Variants in NRG3 observed in about 807,000 individuals in gnomAD.
NRG3 encodes the protein neuregulin 3.
Under a neutral mutation model 66.9 loss-of-function variants are expected in NRG3, and 31 were observed. That is an observed-to-expected ratio of 0.46 (90% CI 0.35 to 0.63). NRG3 has a LOEUF of 0.63. Ranked by LOEUF, NRG3 falls within the 20% of genes least tolerant of loss-of-function variation. The probability of loss-of-function intolerance (pLI) is 0.00; values close to 1 mark genes in which losing one functional copy is unlikely to be tolerated. For missense variants in NRG3, 910 were observed against 878.9 expected (o/e 1.04, Z -0.45); for synonymous variants, 393 against 359.4 (o/e 1.09, Z -1.06).
chr10:82,869,852 C>T (rs1311464126), intron 4 of NRG3, among the ~76,000 whole-genome samples: 1 of 151,896 alleles, frequency 6.6e-6, no homozygotes, highest in Non-Finnish European at 1.5e-5. Flanking sequence ...TTGTGATCTG[C>T]CCGCCTCGGC....
chr10:82,468,227 G>A (rs7071226), intron 2 of NRG3, among the ~76,000 whole-genome samples: 66,569 of 152,114 alleles, frequency 0.44, 17,617 homozygotes, highest in African/African-American at 0.74. Context: ...ACCACATCAC[G>A]CTGGATTCCC....
chr10:82,804,793 C>T (rs1023672729), intron 3 of NRG3, among the ~76,000 whole-genome samples: 1 of 152,128 alleles, frequency 6.6e-6, no homozygotes, highest in Non-Finnish European at 1.5e-5. Context: ...TCAAAATTGA[C>T]GCTATTTTCA....
chr10:82,694,202 G>C lies in NRG3; in HGVS notation c.954-44375G>C, dbSNP rs183763889. Among the ~76,000 whole-genome samples the C allele has an allele frequency of 1.9e-3, 293 of 151,900 alleles. 1 individual carries two copies. Among genetic ancestry groups the C allele is most frequent in the African/African-American group, 6.6e-3 (274 of 41,382 alleles). On this transcript the variant is annotated intron_variant, in intron 2 of 8. Coordinates refer to ENST00000372141, the MANE Select transcript of NRG3 (RefSeq NM_001010848.4). The stretch of plus-strand genomic sequence containing the variant: ...TACAGAGTGCTGATTGGTGCATTTA[G>C]AATCCTTTAGCTAGACACAGAGCGC...
intron 4 of NRG3, among the ~76,000 whole-genome samples, chr10:82,879,755 T>C (rs1441986385): frequency 6.6e-6 from 1 of 152,022 alleles, no homozygotes; most frequent in Non-Finnish European, 1.5e-5. Flanking sequence ...GGATTACAGG[T>C]ATAAGCCACC....
intron 1 of NRG3, among the ~76,000 whole-genome samples, chr10:82,288,280 A>G (rs1005063387): frequency 3.3e-5 from 5 of 152,062 alleles, no homozygotes; most frequent in Non-Finnish European, 5.9e-5. Context: ...AATATTCACA[A>G]CTCTCCTGAG....
chr10:82,578,332 C>A (rs971312671), intron 2 of NRG3, among the ~76,000 whole-genome samples: 2 of 117,300 alleles, frequency 1.7e-5, no homozygotes, highest in African/African-American at 6.4e-5. Flanking sequence ...GATATTTTAG[C>A]CTAGATGTCA....
At chr10:82,494,422 TGATATGTAAATTC>T (rs1417365345) in intron 2 of NRG3, among the ~76,000 whole-genome samples, 3 of 152,140 alleles carry the variant, frequency 2.0e-5, no homozygotes, top group African/African-American at 7.2e-5. Flanking sequence ...GGACGTGTGA[TGATATGTAAATTC>T]CTTCCACTAT....
chr10:82,338,338 A>G (rs1047018701), intron 1 of NRG3, among the ~76,000 whole-genome samples: 3 of 152,162 alleles, frequency 2.0e-5, no homozygotes, highest in African/African-American at 4.8e-5. Flanking sequence ...TTAAAATGCT[A>G]TAACCACATC....
intron 1 of NRG3, among the ~76,000 whole-genome samples, chr10:82,271,610 T>G (rs1399135863): frequency 1.3e-5 from 2 of 149,008 alleles, no homozygotes; most frequent in Admixed American, 6.6e-5. Flanking sequence ...AACTACTAAC[T>G]AATTAACTCT....
rs192886741 is a variant in NRG3, at chr10:82,277,026, C to T, written c.824-81713C>T. On this transcript the variant is annotated intron_variant, in intron 1 of 8. Coordinates refer to ENST00000372141, the MANE Select transcript of NRG3 (RefSeq NM_001010848.4). ...TATTTTTCTCCCTCATTATTGAAGA[C>T]GATGTTACCATACAACTGAGATGGT... is the stretch of plus-strand genomic sequence containing the variant. Among the ~76,000 whole-genome samples the T allele has an allele frequency of 1.3e-4, 20 of 152,036 alleles. No individual in the cohort carries two copies. In the East Asian group the frequency reaches 2.3e-3, roughly 18 times the overall value.
intron 4 of NRG3, among the ~76,000 whole-genome samples, chr10:82,881,406 C>T (rs1007780512): frequency 4.6e-5 from 7 of 152,166 alleles, no homozygotes; most frequent in African/African-American, 1.7e-4. Context: ...GTTCACTACC[C>T]ATTCATTTTC....
chr10:81,937,223 T>C (rs1040279997), intron 1 of NRG3, among the ~76,000 whole-genome samples: 3 of 152,194 alleles, frequency 2.0e-5, no homozygotes, highest in Non-Finnish European at 4.4e-5. Context: ...TTGTGAGTAA[T>C]GCTGCAGTGA....
At chr10:82,830,387 G>A (rs961739034) in intron 3 of NRG3, among the ~76,000 whole-genome samples, 1 of 152,206 alleles carries the variant, frequency 6.6e-6, no homozygotes, top group African/African-American at 2.4e-5. Flanking sequence ...CTAGGACAGT[G>A]GCTCAATATT....
chr10:82,784,508 GA>G (rs1234317442), intron 3 of NRG3, among the ~76,000 whole-genome samples: 2 of 151,896 alleles, frequency 1.3e-5, no homozygotes, highest in African/African-American at 4.8e-5. Flanking sequence ...AAATTTACAA[GA>G]AAAAAACAAA....
chr10:82,530,806 T>C (rs612371), intron 2 of NRG3, among the ~76,000 whole-genome samples: 52,747 of 151,628 alleles, frequency 0.35, 10,547 homozygotes, highest in African/African-American at 0.55. Context: ...TAAAAAAAAG[T>C]TTTTCCTGGA....
chr10:82,134,547 G>A (rs1423531297), intron 1 of NRG3, among the ~76,000 whole-genome samples: 1 of 152,010 alleles, frequency 6.6e-6, no homozygotes, highest in Non-Finnish European at 1.5e-5. Flanking sequence ...TTTGTCAGCT[G>A]TGTTGAAGAT....
chr10:81,991,863 A>G (rs914782125), intron 1 of NRG3, among the ~76,000 whole-genome samples: 15 of 152,140 alleles, frequency 9.9e-5, no homozygotes, highest in Non-Finnish European at 2.1e-4. Flanking sequence ...TCTCCAGAGT[A>G]AACTATGTAA....
At chr10:82,827,687 G>A (rs1401702158) in intron 3 of NRG3, among the ~76,000 whole-genome samples, 7 of 152,176 alleles carry the variant, frequency 4.6e-5, no homozygotes, top group African/African-American at 7.2e-5. Context: ...TGACCTTGCC[G>A]TGAAACCAAA....
intron 1 of NRG3, among the ~76,000 whole-genome samples, chr10:82,317,063 T>G (rs1483949762): frequency 2.0e-5 from 3 of 152,212 alleles, no homozygotes; most frequent in South Asian, 4.1e-4. Context: ...TTGGAAGGTT[T>G]TCTTCCTAAA....
Sources: allele counts gnomAD v4.1 joint callset (sites outside exome capture counted in the v4.1 genomes callset), GRCh38; gene constraint gnomAD v4.1.1; transcripts MANE v1.5; gene names NCBI Gene and HGNC (gene_info 2026-07-23, HGNC 2026-07-21).